BTNL8: variants seen among roughly 807,000 people sequenced by gnomAD.
BTNL8 encodes the protein butyrophilin like 8.
BTNL8 carries 22 observed loss-of-function variants against 36.1 expected under a neutral mutation model. The observed-to-expected ratio is 0.61, with a 90% CI of 0.44 to 0.87. The LOEUF is 0.87. Ranked by LOEUF, BTNL8 falls within the 40% of genes least tolerant of loss-of-function variation. BTNL8 has a pLI of 0.00. For missense variants in BTNL8, 526 were observed against 616.9 expected (o/e 0.85, Z 1.56); for synonymous variants, 203 against 235.6 (o/e 0.86, Z 1.27).
intron 3 of BTNL8, among the ~76,000 whole-genome samples, chr5:180,915,867 T>C (rs551074532): frequency 6.6e-6 from 1 of 152,258 alleles, no homozygotes; most frequent in African/African-American, 2.4e-5. Context: ...TTCAATAAAT[T>C]AGGTATAGAA....
At chr5:180,914,210 T>A (rs1427641827) in intron 3 of BTNL8, among the ~76,000 whole-genome samples, 1 of 152,182 alleles carries the variant, frequency 6.6e-6, no homozygotes, top group Non-Finnish European at 1.5e-5. Context: ...GTTAGTGCCT[T>A]ATAAAAGGAT....
chr5:180,921,208 A>G (rs1203723583), intron 3 of BTNL8, among the ~76,000 whole-genome samples: 1 of 152,096 alleles, frequency 6.6e-6, no homozygotes, highest in Non-Finnish European at 1.5e-5. Flanking sequence ...TGAAGTCAGG[A>G]TTTCAAAAAG....
chr5:180,934,897 A>G (rs1455031694), intron 3 of BTNL8, among the ~76,000 whole-genome samples: 1 of 151,974 alleles, frequency 6.6e-6, no homozygotes, highest in East Asian at 1.9e-4. Context: ...AGTGGTTCCC[A>G]AGTTCTTGTC....
At position 180,946,423 on chromosome 5, in the gene BTNL8, T is replaced by G. The variant is rs148189027; in HGVS notation, c.674-1089T>G. ...TCTATAAATACAATGGAATACAATATTTAGCCTTTAAAAAAAGGATGGACA... is the reference window on the plus strand; with the variant it reads ...TCTATAAATACAATGGAATACAATAGTTAGCCTTTAAAAAAAGGATGGACA... On this transcript the variant is annotated intron_variant, in intron 3 of 7. Transcript: ENST00000340184. Among the ~76,000 whole-genome samples the G allele has an allele frequency of 9.1e-3, 1,391 of 152,324 alleles. 11 individuals carry two copies. The highest frequency in any genetic ancestry group is 0.016 in the Non-Finnish European group (1,058 of 68,026).
At chr5:180,930,191 A>G (rs1312562437) in intron 3 of BTNL8, among the ~76,000 whole-genome samples, 3 of 152,258 alleles carry the variant, frequency 2.0e-5, no homozygotes, top group Admixed American at 6.5e-5. Flanking sequence ...AATCCATCAC[A>G]TAAACAGAAC....
At chr5:180,912,052 G>A (rs1757424149) in intron 3 of BTNL8, among the ~76,000 whole-genome samples, 1 of 152,160 alleles carries the variant, frequency 6.6e-6, no homozygotes, top group Non-Finnish European at 1.5e-5. Context: ...AGAACAAAGG[G>A]TCGACCCTCC....
In BTNL8 at chr5:180,935,029, A is replaced by G. The variant is rs1296384864; in HGVS notation, c.674-12483A>G. Among the ~76,000 whole-genome samples the G allele has an allele frequency of 6.6e-6, 1 of 152,160 alleles. No individual in the cohort carries two copies. Among genetic ancestry groups the G allele is most frequent in the Non-Finnish European group, 1.5e-5 (1 of 68,016 alleles). On this transcript the variant is annotated intron_variant, in intron 3 of 7. Transcript: ENST00000340184. This position sits in a 1 kb window ranked among gnomAD's most constrained non-coding sequence, Gnocchi z 4.8. ...GGTAGCTCCTTTCTGCAGGCAGGTCATCCCAACAAGTGGGTAGCTCCTTCC... is the reference window on the plus strand; with the variant it reads ...GGTAGCTCCTTTCTGCAGGCAGGTCGTCCCAACAAGTGGGTAGCTCCTTCC...
At chr5:180,907,350 T>C (rs1757127045) in intron 1 of BTNL8, among the ~76,000 whole-genome samples, 1 of 122,838 alleles carries the variant, frequency 8.1e-6, no homozygotes, top group Non-Finnish European at 1.6e-5. Context: ...CACGTAGTTC[T>C]TGAGCCTTGG....
intron 1 of BTNL8, among the ~76,000 whole-genome samples, chr5:180,901,543 G>T (rs1208798587): frequency 6.6e-6 from 1 of 152,184 alleles, no homozygotes; most frequent in Non-Finnish European, 1.5e-5. Flanking sequence ...ATGCATAACT[G>T]TGGAGCCTGT....
chr5:180,924,551 C>G (rs867269315), intron 3 of BTNL8, among the ~76,000 whole-genome samples: 2 of 152,220 alleles, frequency 1.3e-5, no homozygotes, highest in South Asian at 4.1e-4. Context: ...CATTTAATGT[C>G]AGAGCACAGG....
intron 3 of BTNL8, among the ~76,000 whole-genome samples, chr5:180,921,167 A>G (rs960906024): frequency 2.0e-5 from 3 of 152,114 alleles, no homozygotes; most frequent in African/African-American, 7.2e-5. Context: ...TAATCCAGCA[A>G]TCCTGCTTCC....
chr5:180,931,249 C>G (rs1157306425), intron 3 of BTNL8, among the ~76,000 whole-genome samples: 3 of 152,138 alleles, frequency 2.0e-5, no homozygotes, highest in African/African-American at 4.8e-5. Context: ...GGAAAACTGG[C>G]TAGCCATACG....
chr5:180,916,412 C>A (rs1757630460), intron 3 of BTNL8, among the ~76,000 whole-genome samples: 1 of 151,336 alleles, frequency 6.6e-6, no homozygotes, highest in African/African-American at 2.4e-5. Context: ...TAAGTTTATA[C>A]CTCAAGAAAT....
intron 3 of BTNL8, among the ~76,000 whole-genome samples, chr5:180,941,151 A>AGGAAGGAAG (rs774010123): frequency 1.3e-5 from 2 of 151,208 alleles, no homozygotes; most frequent in Non-Finnish European, 2.9e-5. Context: ...GAAGGAAGGA[A>AGGAAGGAAG]GGAGAGAAAG....
At chr5:180,915,509 C>T (rs779539584) in intron 3 of BTNL8, among the ~76,000 whole-genome samples, 19 of 152,108 alleles carry the variant, frequency 1.2e-4, no homozygotes, top group Admixed American at 5.2e-4. Context: ...CAAGAAGGAA[C>T]GAGAAAAGTA....
intron 2 of BTNL8, among the ~76,000 whole-genome samples, chr5:180,910,651 C>A (rs1757346214): frequency 6.6e-6 from 1 of 152,204 alleles, no homozygotes; most frequent in Admixed American, 6.5e-5. Context: ...CTGCCTTTCT[C>A]TACCTACAAC....
intron 3 of BTNL8, 83 bp downstream of exon 3, chr5:180,911,697 T>A (rs1582019154): frequency 7.5e-7 from 1 of 1,325,738 alleles, no homozygotes; most frequent in African/African-American, 1.5e-5. Flanking sequence ...CATCTTGGCA[T>A]TGCTGTTTTA....
intron 3 of BTNL8, among the ~76,000 whole-genome samples, chr5:180,915,085 G>A (rs1871464): frequency 0.21 from 31,706 of 152,100 alleles, 6,022 homozygotes; most frequent in African/African-American, 0.51. Flanking sequence ...TAGGAGTAGG[G>A]AAAGAGGAGG....
chr5:180,912,001 A>C (rs1238699193), intron 3 of BTNL8, among the ~76,000 whole-genome samples: 2 of 152,214 alleles, frequency 1.3e-5, no homozygotes, highest in African/African-American at 4.8e-5. Flanking sequence ...ATTGCCCTCC[A>C]TAATGCGGGT....
Sources: gnomAD v4.1 joint callset for allele counts (sites outside exome capture counted in the v4.1 genomes callset) on GRCh38, gnomAD v4.1.1 for gene constraint, Gnocchi (gnomAD v3.1) non-coding constraint, MANE v1.5 for transcripts, NCBI Gene and HGNC (gene_info 2026-07-23, HGNC 2026-07-21) for gene names.